Variants in PGAP1 observed in about 807,000 individuals in gnomAD.
The protein encoded by PGAP1 is post-GPI attachment to proteins inositol deacylase 1.
A neutral mutation model predicts 127.0 loss-of-function variants in PGAP1; 76 were observed. That is an observed-to-expected ratio of 0.60 (90% confidence interval 0.50 to 0.72). The LOEUF (loss-of-function observed/expected upper bound fraction) is 0.72, where lower values mean the gene tolerates loss of function less well. Ranked by LOEUF, PGAP1 falls within the 30% of genes least tolerant of loss-of-function variation. The pLI is 0.00. For synonymous variants in PGAP1, 362 were observed against 366.5 expected (o/e 0.99, Z 0.14); for missense variants, 982 against 1,071.3 (o/e 0.92, Z 1.16).
chr2:196,914,275 T>G (rs1294536254), intron 3 of PGAP1, among the ~76,000 whole-genome samples: 1 of 152,128 alleles, frequency 6.6e-6, no homozygotes, highest in African/African-American at 2.4e-5. Flanking sequence ...CCCTTTTAAT[T>G]CTCACTTTCC....
At chr2:196,851,058 G>T (rs1209348659) in intron 20 of PGAP1, among the ~76,000 whole-genome samples, 2 of 151,872 alleles carry the variant, frequency 1.3e-5, no homozygotes, top group Admixed American at 6.6e-5. Flanking sequence ...ATTATAAGGG[G>T]AGAAAAAGAG....
chr2:196,912,755 A>G, intron 4 of PGAP1, 127 bp downstream of exon 4: 1 of 753,710 alleles, frequency 1.3e-6, no homozygotes, highest in Non-Finnish European at 2.0e-6. Context: ...GGAGGTGCTG[A>G]TTTGCAACTG....
At position 196,841,300 on chromosome 2, in the gene PGAP1, A is replaced by C; in HGVS notation, c.2703T>G (p.His901Gln). The C allele has an allele frequency of 6.2e-7, 1 of 1,613,970 alleles. No individual in the cohort carries two copies. Among genetic ancestry groups the C allele is most frequent in the Non-Finnish European group, 8.5e-7 (1 of 1,179,874 alleles). ...AVGVIAFGSA[H>Q]LYRLPCFVFI... is the part of the protein sequence containing the mutation. ...AGACAAAGCATGGAAGCCTATATAAATGTGCTGACCCAAAAGCAATCACAC... is the reference window on the plus strand; with the variant it reads ...AGACAAAGCATGGAAGCCTATATAACTGTGCTGACCCAAAAGCAATCACAC... The change falls in exon 27 of 27, where the codon CAT becomes CAG. Residue 901 changes from histidine (H) to glutamine (Q), a missense_variant. Physicochemically the swap from His to Gln is conservative, Grantham distance 24. Coordinates refer to ENST00000354764, the MANE Select transcript of PGAP1 (RefSeq NM_024989.4).
At chr2:196,872,571 C>A in intron 17 of PGAP1, 22 bp from the exon 18 acceptor site, 1 of 1,500,004 alleles carries the variant, frequency 6.7e-7, no homozygotes, top group South Asian at 1.1e-5. Context: ...ACTTAAATAT[C>A]AATTCTCAAA....
intron 1 of PGAP1, chr2:196,922,480 G>C (rs1432767627): frequency 1.0e-6 from 1 of 959,430 alleles, no homozygotes; most frequent in Non-Finnish European, 1.2e-6. Flanking sequence ...AAAAAAAAAG[G>C]CCTTAAGGAC....
intron 4 of PGAP1, 117 bp from the exon 5 acceptor site, chr2:196,902,859 A>G (rs925935400): frequency 6.1e-6 from 4 of 660,092 alleles, no homozygotes; most frequent in African/African-American, 5.5e-5. Context: ...TTTCATCTAT[A>G]AACAGTTGAG....
rs539106326 is a variant in PGAP1, at chr2:196,881,262, G to A, written c.1273-1109C>T. On this transcript the variant is annotated intron_variant, in intron 12 of 26. Transcript: ENST00000354764. The stretch of plus-strand genomic sequence containing the variant: ...ATATGTAATACATTTTCTTTATCCA[G>A]TCTACTATTGATGGGAATTTAGGTT... 7.5e-4 allele frequency among the ~76,000 whole-genome samples: 114 copies of A among 152,186 alleles called. 1 individual carries two copies. Among genetic ancestry groups the A allele is most frequent in the Middle Eastern group, 3.4e-3 (1 of 294 alleles).
chr2:196,840,443 CA>C lies in PGAP1; in HGVS notation c.*790del, dbSNP rs1257245265. 1 of 152,058 alleles carries C rather than the reference CA, an allele frequency of 6.6e-6. No individual in the cohort carries two copies. The highest frequency in any genetic ancestry group is 2.4e-5 in the African/African-American group (1 of 41,392). 9.4% of individuals were successfully genotyped at this position (152,058 alleles called of 1,614,324 possible). A position where few individuals can be genotyped will look rare whatever the true frequency, so the allele number is the denominator to read the frequency against. On this transcript the variant is annotated 3_prime_UTR_variant, in exon 27 of 27. Transcript: ENST00000354764. Reference sequence around the variant, plus strand: ...ATTGAATCCAATGGTATAAACTAAACAACTGAACTGCTCCAATACCAGGAAG... The same window carrying C: ...ATTGAATCCAATGGTATAAACTAAACACTGAACTGCTCCAATACCAGGAAG...
chr2:196,841,001 C>A lies in PGAP1; in HGVS notation c.*233G>T. The A allele has an allele frequency of 2.2e-6, 1 of 447,852 alleles. No individual in the cohort carries two copies. The highest frequency in any genetic ancestry group is 3.6e-5 in the East Asian group (1 of 27,760). The allele number at this position is 447,852 out of a possible 1,614,324, so 27.7% of individuals were successfully genotyped here. On this transcript the variant is annotated 3_prime_UTR_variant, in exon 27 of 27. Coordinates refer to ENST00000354764, the MANE Select transcript of PGAP1 (RefSeq NM_024989.4). ...CTCAATGATAGTGATCACCATATAT[C>A]CCTTCATGAATTTTTCAAAAATGAT...
In PGAP1 at chr2:196,834,451, T is replaced by G. The variant is rs1700182539; in HGVS notation, c.*6783A>C. The G allele has an allele frequency of 6.6e-6, 1 of 152,404 alleles. No homozygotes were observed. Among genetic ancestry groups the G allele is most frequent in the Non-Finnish European group, 1.5e-5 (1 of 67,898 alleles). 9.4% of individuals were successfully genotyped at this position (152,404 alleles called of 1,614,324 possible). On this transcript the variant is annotated 3_prime_UTR_variant, in exon 27 of 27. Transcript: ENST00000354764. Reference sequence around the variant, plus strand: ...AAAATTGCAGGGCACTCTTTATCATTTCAAGGCACACTCTGTTTTATCCCA... The same window carrying G: ...AAAATTGCAGGGCACTCTTTATCATGTCAAGGCACACTCTGTTTTATCCCA...
intron 4 of PGAP1, among the ~76,000 whole-genome samples, chr2:196,905,592 G>T (rs1035989365): frequency 1.3e-5 from 2 of 152,172 alleles, no homozygotes; most frequent in African/African-American, 4.8e-5. Context: ...ATGCGGGAGG[G>T]AGGAGCCAAG....
Position 196,847,822 on chromosome 2 carries a change from A to T in PGAP1, c.1952+125T>A, listed in dbSNP as rs1415109297. On this transcript the variant is annotated intron_variant, in intron 21 of 26. Coordinates refer to ENST00000354764, the MANE Select transcript of PGAP1 (RefSeq NM_024989.4). ...AGACCTTTGCCTAAGAGAAAAAAAA[A>T]ACCTCATTTAATGAAACAAGTCAAC... 5 of 626,160 alleles carry T rather than the reference A, an allele frequency of 8.0e-6. No individual in the cohort carries two copies. In the East Asian group the frequency reaches 1.6e-4, roughly 20 times the overall value. The allele number at this position is 626,160 out of a possible 1,614,324, so 38.8% of individuals were successfully genotyped here.
rs149483089 is a variant in PGAP1 at position 196,905,231 on chromosome 2, C to T, written c.650-2489G>A. On this transcript the variant is annotated intron_variant, in intron 4 of 26. Coordinates refer to ENST00000354764, the MANE Select transcript of PGAP1 (RefSeq NM_024989.4). ...TTAATCTATACGGGTCATCTACATA[C>T]ACCACACAGAATGCAACAATATAAA... Among the ~76,000 whole-genome samples the T allele has an allele frequency of 4.1e-3, 617 of 152,278 alleles. 3 individuals are homozygous for T. Among genetic ancestry groups the T allele is most frequent in the African/African-American group, 0.014 (573 of 41,562 alleles).
intron 3 of PGAP1, among the ~76,000 whole-genome samples, chr2:196,916,066 GT>G (rs1295303108): frequency 6.6e-6 from 1 of 152,108 alleles, no homozygotes; most frequent in Non-Finnish European, 1.5e-5. Flanking sequence ...ATCTTGACCA[GT>G]TTTACAGTTG....
intron 25 of PGAP1, 147 bp downstream of exon 25, chr2:196,843,737 AAAAT>A: frequency 4.9e-5 from 21 of 425,188 alleles, no homozygotes; most frequent in East Asian, 1.3e-4. Flanking sequence ...CAAAAAATTA[AAAAT>A]AAATAAATAA....
chr2:196,863,242 C>T (rs1323526048), intron 20 of PGAP1, among the ~76,000 whole-genome samples: 1 of 152,160 alleles, frequency 6.6e-6, no homozygotes, highest in East Asian at 1.9e-4. Context: ...GAAAGGAAAT[C>T]AGTCTATCAA....
At chr2:196,858,245 CA>C (rs200296872) in intron 20 of PGAP1, among the ~76,000 whole-genome samples, 19,034 of 151,610 alleles carry the variant, frequency 0.13, 1,676 homozygotes, top group African/African-American at 0.25. Flanking sequence ...ACTAAAAATA[CA>C]AAAAAATTAG....
At chr2:196,842,953 G>C (rs746007930) in intron 25 of PGAP1, 128 bp from the exon 26 acceptor site, 2 of 389,488 alleles carry the variant, frequency 5.1e-6, no homozygotes, top group African/African-American at 2.1e-5. Context: ...GCTCTAAATA[G>C]TTCATGAAAT....
intron 4 of PGAP1, among the ~76,000 whole-genome samples, chr2:196,903,707 G>C (rs185375953): frequency 6.6e-6 from 1 of 152,262 alleles, no homozygotes; most frequent in African/African-American, 2.4e-5. Flanking sequence ...TGCTGCTGTG[G>C]AAAACCTCAG....
Sources: gnomAD v4.1 joint callset for allele counts (sites outside exome capture counted in the v4.1 genomes callset) on GRCh38, gnomAD v4.1.1 for gene constraint, MANE v1.5 for transcripts, NCBI Gene and HGNC (gene_info 2026-07-23, HGNC 2026-07-21) for gene names.